Variants in GRIN2A observed in about 807,000 individuals in gnomAD.
GRIN2A encodes glutamate ionotropic receptor NMDA type subunit 2A.
GRIN2A carries 22 observed loss-of-function variants against 113.4 expected under a neutral mutation model. The observed-to-expected ratio is 0.19, with a 90% CI of 0.14 to 0.28. GRIN2A has a LOEUF of 0.28. GRIN2A is among the 10% of genes least tolerant of loss of function. GRIN2A has a pLI of 1.00. For missense variants in GRIN2A, 1,502 were observed against 1,887.0 expected, an observed-to-expected ratio of 0.80 and a Z score of 3.78; for synonymous variants, 827 against 738.4, an observed-to-expected ratio of 1.12 and a Z score of -1.94.
chr16:9,974,712 C>T (rs1456042610), intron 2 of GRIN2A, among the ~76,000 whole-genome samples: 1 of 152,148 alleles, frequency 6.6e-6, no homozygotes, highest in Admixed American at 6.5e-5. Flanking sequence ...CAATGCAATA[C>T]CAACCCTAAG....
At chr16:9,888,746 G>C (rs539298946) in intron 4 of GRIN2A, among the ~76,000 whole-genome samples, 1 of 151,538 alleles carries the variant, frequency 6.6e-6, no homozygotes, top group Non-Finnish European at 1.5e-5. Flanking sequence ...TATATAAATC[G>C]ATATATATAT....
chr16:10,048,860 A>G (rs6416623), intron 2 of GRIN2A, among the ~76,000 whole-genome samples: 6 of 152,064 alleles, frequency 3.9e-5, no homozygotes, highest in African/African-American at 1.4e-4. Flanking sequence ...ATGCTATTCT[A>G]CATGGCAGCT....
intron 2 of GRIN2A, among the ~76,000 whole-genome samples, chr16:10,125,091 G>T (rs1448252): frequency 0.18 from 27,080 of 152,130 alleles, 3,094 homozygotes; most frequent in East Asian, 0.39. Flanking sequence ...GAGGATGTTG[G>T]ATTTTATTCC....
chr16:9,919,345 AAAT>A (rs546760765), intron 3 of GRIN2A, among the ~76,000 whole-genome samples: 262 of 152,304 alleles, frequency 1.7e-3, no homozygotes, highest in African/African-American at 6.1e-3. Flanking sequence ...ATGGCAGCAG[AAAT>A]TCCAAGTCTC....
Position 10,013,270 on chromosome 16 carries a change from A to C in GRIN2A, c.415-74719T>G, listed in dbSNP as rs578008940. Among the ~76,000 whole-genome samples the C allele has an allele frequency of 3.9e-5, 6 of 152,314 alleles. No homozygotes were observed. The South Asian group carries it at 1.0e-3, about 26-fold the overall frequency. ...TGTATCTATGGGCTGGATTCAGCCCATAGGCTGCCCTTTTTCCTCTGTTCC... is the reference window on the plus strand; with the variant it reads ...TGTATCTATGGGCTGGATTCAGCCCCTAGGCTGCCCTTTTTCCTCTGTTCC... On this transcript the variant is annotated intron_variant, in intron 2 of 12. Transcript: ENST00000330684.
Position 10,182,179 on chromosome 16 carries a change from G to C in GRIN2A, c.-321C>G, listed in dbSNP as rs745936403. The C allele has an allele frequency of 6.5e-6, 1 of 152,682 alleles. No individual in the cohort carries two copies. Among genetic ancestry groups the C allele is most frequent in the Non-Finnish European group, 1.5e-5 (1 of 68,340 alleles). The allele number at this position is 152,682 out of a possible 1,614,324, so 9.5% of individuals were successfully genotyped here. A position where few individuals can be genotyped will look rare whatever the true frequency, so the allele number is the denominator to read the frequency against. On this transcript the variant is annotated 5_prime_UTR_variant, in exon 1 of 13. Coordinates refer to ENST00000330684, the MANE Select transcript of GRIN2A (RefSeq NM_001134407.3). ...GCTCACAAGCCCCCCTATGCGCCCA[G>C]GGGGGCTAGACAAGAGGGGGGAAGC...
At chr16:9,909,128 C>A (rs1380143263) in intron 3 of GRIN2A, among the ~76,000 whole-genome samples, 1 of 152,034 alleles carries the variant, frequency 6.6e-6, no homozygotes, top group Non-Finnish European at 1.5e-5. Flanking sequence ...CAAGGAGGAC[C>A]AAGTCATGTC....
intron 2 of GRIN2A, among the ~76,000 whole-genome samples, chr16:9,969,653 A>G (rs545769021): frequency 5.3e-4 from 80 of 152,256 alleles, no homozygotes; most frequent in African/African-American, 1.9e-3. Context: ...ACCCTAGACC[A>G]GTGGTTCTCA....
chr16:9,984,821 T>C (rs1463946375), intron 2 of GRIN2A, among the ~76,000 whole-genome samples: 1 of 152,242 alleles, frequency 6.6e-6, no homozygotes, highest in Non-Finnish European at 1.5e-5. Context: ...TTTGTAGCTA[T>C]TATCCATTAG....
At chr16:9,948,169 A>C (rs1470349453) in intron 2 of GRIN2A, among the ~76,000 whole-genome samples, 2 of 152,210 alleles carry the variant, frequency 1.3e-5, no homozygotes, top group Admixed American at 1.3e-4. Flanking sequence ...GTCCTGGACA[A>C]ATCAGGACAA....
At chr16:9,953,940 T>A (rs922539840) in intron 2 of GRIN2A, among the ~76,000 whole-genome samples, 1 of 152,156 alleles carries the variant, frequency 6.6e-6, no homozygotes, top group Admixed American at 6.5e-5. Context: ...ACTTTCCAAC[T>A]GCCCCATGCT....
intron 2 of GRIN2A, among the ~76,000 whole-genome samples, chr16:10,163,229 G>A (rs559393760): frequency 4.9e-4 from 74 of 152,286 alleles, no homozygotes; most frequent in Non-Finnish European, 9.1e-4. Context: ...TTTCATGGGA[G>A]AAAGGCAGGC....
intron 2 of GRIN2A, among the ~76,000 whole-genome samples, chr16:9,986,293 T>C (rs2045978341): frequency 1.3e-5 from 2 of 152,154 alleles, no homozygotes; most frequent in South Asian, 2.1e-4. Context: ...AGGTGAATAA[T>C]AAAAGTGAAA....
intron 2 of GRIN2A, among the ~76,000 whole-genome samples, chr16:10,126,664 C>T (rs2048943765): frequency 6.6e-6 from 1 of 152,138 alleles, no homozygotes; most frequent in African/African-American, 2.4e-5. Flanking sequence ...TGGCACGTAT[C>T]ACCAACGTTT....
intron 2 of GRIN2A, among the ~76,000 whole-genome samples, chr16:10,022,543 A>G (rs1384931886): frequency 6.6e-6 from 1 of 152,216 alleles, no homozygotes; most frequent in East Asian, 1.9e-4. Flanking sequence ...ATAAACAAAA[A>G]TAAAACATAC....
At chr16:9,810,641 A>C (rs1231648402) in intron 10 of GRIN2A, among the ~76,000 whole-genome samples, 1 of 152,208 alleles carries the variant, frequency 6.6e-6, no homozygotes, top group Non-Finnish European at 1.5e-5. Flanking sequence ...TGGAGGCACC[A>C]GAAACTGGAG....
At chr16:9,960,192 C>A (rs1328148437) in intron 2 of GRIN2A, among the ~76,000 whole-genome samples, 1 of 152,136 alleles carries the variant, frequency 6.6e-6, no homozygotes, top group Non-Finnish European at 1.5e-5. Context: ...GTAGGTAATT[C>A]ATAAATATCA....
At chr16:10,142,071 C>T (rs899050498) in intron 2 of GRIN2A, among the ~76,000 whole-genome samples, 9 of 152,194 alleles carry the variant, frequency 5.9e-5, no homozygotes, top group Non-Finnish European at 1.2e-4. Context: ...CAAAATTCTT[C>T]CAGGCTACCT....
chr16:9,930,406 G>A (rs1442276234), intron 3 of GRIN2A, among the ~76,000 whole-genome samples: 1 of 152,220 alleles, frequency 6.6e-6, no homozygotes, highest in Non-Finnish European at 1.5e-5. Context: ...CACTGTCTAA[G>A]TCTACATTCC....
Sources: gnomAD v4.1 joint callset for allele counts (sites outside exome capture counted in the v4.1 genomes callset) on GRCh38, gnomAD v4.1.1 for gene constraint, MANE v1.5 for transcripts, NCBI Gene and HGNC (gene_info 2026-07-23, HGNC 2026-07-21) for gene names.